The following PTPRM variants were observed in gnomAD, a reference collection of about 807,000 sequenced individuals.
PTPRM encodes the protein protein tyrosine phosphatase receptor type M.
A neutral mutation model predicts 186.7 loss-of-function variants in PTPRM; 47 were observed. That is an observed-to-expected ratio of 0.25 (90% CI 0.20 to 0.32). PTPRM has a LOEUF of 0.32. Ranked by LOEUF, PTPRM falls within the 10% of genes least tolerant of loss-of-function variation. The pLI is 1.00. For synonymous variants in PTPRM, 668 were observed against 674.9 expected (o/e 0.99, Z 0.16); for missense variants, 1,494 against 1,865.0 (o/e 0.80, Z 3.66).
intron 2 of PTPRM, among the ~76,000 whole-genome samples, chr18:7,807,871 G>A (rs575211598): frequency 1.2e-3 from 187 of 152,296 alleles, no homozygotes; most frequent in African/African-American, 4.3e-3. Context: ...TAATGTTACC[G>A]TTGGTTAAAT....
At chr18:8,150,994 C>T (rs2092993331) in intron 14 of PTPRM, among the ~76,000 whole-genome samples, 1 of 152,180 alleles carries the variant, frequency 6.6e-6, no homozygotes, top group South Asian at 2.1e-4. Context: ...CTGTTCCTTC[C>T]TCTGGAAGCT....
intron 1 of PTPRM, among the ~76,000 whole-genome samples, chr18:7,766,420 C>G (rs775658911): frequency 6.6e-6 from 1 of 152,190 alleles, no homozygotes; most frequent in Non-Finnish European, 1.5e-5. Context: ...GGGGCAGAGA[C>G]AGAGCTCCAG....
intron 19 of PTPRM, among the ~76,000 whole-genome samples, chr18:8,291,604 A>C (rs2095043839): frequency 6.6e-6 from 1 of 152,188 alleles, no homozygotes; most frequent in Non-Finnish European, 1.5e-5. Context: ...TGACCTCTTA[A>C]AGATAAAAAA....
chr18:8,069,181 G>T (rs1477745796), intron 7 of PTPRM, among the ~76,000 whole-genome samples: 2 of 149,164 alleles, frequency 1.3e-5, no homozygotes, highest in Non-Finnish European at 3.0e-5. Flanking sequence ...AGAGGCTTAA[G>T]TAAGATAGCA....
intron 3 of PTPRM, among the ~76,000 whole-genome samples, chr18:7,894,957 A>G (rs1414446514): frequency 2.6e-5 from 4 of 152,352 alleles, no homozygotes; most frequent in South Asian, 2.1e-4. Context: ...TTATTTCTAT[A>G]AGCAAATTTC....
At chr18:8,212,822 G>A (rs1226337731) in intron 14 of PTPRM, among the ~76,000 whole-genome samples, 3 of 152,128 alleles carry the variant, frequency 2.0e-5, no homozygotes, top group African/African-American at 4.8e-5. Flanking sequence ...TTTAACTAAT[G>A]TGTACATTGT....
chr18:8,335,836 A>G (rs1003895383), intron 22 of PTPRM, among the ~76,000 whole-genome samples: 2 of 152,130 alleles, frequency 1.3e-5, no homozygotes, highest in Admixed American at 6.5e-5. Context: ...AGCCTGGCCA[A>G]CACAGCAAAA....
rs952977194 is a variant in PTPRM, at chr18:8,260,794, G to A, written c.2754+7380G>A. ...ATGGGAAAGGCCTTGAACTGGGGAG[G>A]ACAGCCCCTGGAATTTTGAGACCAG... On this transcript the variant is annotated intron_variant, in intron 19 of 32. Transcript: ENST00000580170. 7.9e-5 allele frequency among the ~76,000 whole-genome samples: 12 copies of A among 152,308 alleles called. 1 individual carries two copies. Among genetic ancestry groups the A allele is most frequent in the Admixed American group, 5.2e-4 (8 of 15,300 alleles).
intron 7 of PTPRM, among the ~76,000 whole-genome samples, chr18:7,976,959 A>G (rs2054991497): frequency 6.6e-6 from 1 of 151,974 alleles, no homozygotes; most frequent in Non-Finnish European, 1.5e-5. Context: ...ACAATAAAAA[A>G]GGTTGATTGT....
chr18:7,725,034 T>C (rs1421752743), intron 1 of PTPRM, among the ~76,000 whole-genome samples: 1 of 152,176 alleles, frequency 6.6e-6, no homozygotes, highest in South Asian at 2.1e-4. Context: ...CTTATTCAAC[T>C]TTCTCCTGAA....
intron 2 of PTPRM, among the ~76,000 whole-genome samples, chr18:7,880,077 C>T (rs2048428873): frequency 6.6e-6 from 1 of 151,194 alleles, no homozygotes; most frequent in South Asian, 2.1e-4. Context: ...CATGAGAACT[C>T]ACTCACTATC....
chr18:7,916,149 T>G (rs2050543562), intron 4 of PTPRM, among the ~76,000 whole-genome samples: 1 of 152,148 alleles, frequency 6.6e-6, no homozygotes, highest in South Asian at 2.1e-4. Context: ...TGGTGAATAA[T>G]GTACACAATT....
Position 8,315,298 on chromosome 18 carries a change from G to A in PTPRM, c.2919+441G>A, listed in dbSNP as rs183379006. ...GACAAAACTCTCTAATTCCTAATAC[G>A]GCGATTTGCAATCCCTTGTCATCAC... On this transcript the variant is annotated intron_variant, in intron 21 of 32. Coordinates refer to ENST00000580170, the MANE Select transcript of PTPRM (RefSeq NM_001105244.2). 3.9e-5 allele frequency among the ~76,000 whole-genome samples: 6 copies of A among 152,092 alleles called. No homozygotes were observed. The East Asian group carries it at 1.2e-3, about 29-fold the overall frequency.
chr18:8,084,583 G>A (rs1364449031), intron 9 of PTPRM, among the ~76,000 whole-genome samples: 1 of 152,112 alleles, frequency 6.6e-6, no homozygotes, highest in Non-Finnish European at 1.5e-5. Context: ...TAATGACATG[G>A]TATAAATATA....
chr18:7,640,438 A>C (rs2144170648), intron 1 of PTPRM, among the ~76,000 whole-genome samples: 1 of 152,316 alleles, frequency 6.6e-6, no homozygotes, highest in East Asian at 1.9e-4. Flanking sequence ...ATTGTGTATT[A>C]GGATGCTTTT....
At chr18:8,341,524 C>A (rs1004475547) in intron 22 of PTPRM, among the ~76,000 whole-genome samples, 1 of 152,182 alleles carries the variant, frequency 6.6e-6, no homozygotes, top group Non-Finnish European at 1.5e-5. Flanking sequence ...TATGAGAAGA[C>A]CCCTGTTGGG....
chr18:8,113,253 C>G (rs1457269910), intron 11 of PTPRM, among the ~76,000 whole-genome samples: 1 of 152,172 alleles, frequency 6.6e-6, no homozygotes, highest in African/African-American at 2.4e-5. Context: ...TTTTGTTTCT[C>G]TCACTAAATA....
At chr18:7,943,063 G>A (rs1446358536) in intron 5 of PTPRM, among the ~76,000 whole-genome samples, 2 of 151,898 alleles carry the variant, frequency 1.3e-5, no homozygotes, top group African/African-American at 2.4e-5. Context: ...ATCTTTCTGC[G>A]TGTTGGGTCA....
intron 1 of PTPRM, among the ~76,000 whole-genome samples, chr18:7,772,296 C>G (rs1175781996): frequency 9.0e-6 from 1 of 111,046 alleles, no homozygotes; most frequent in African/African-American, 4.3e-5. Flanking sequence ...TTCTCTCCTT[C>G]CTTCCTCTCT....
Sources: allele counts gnomAD v4.1 joint callset (sites outside exome capture counted in the v4.1 genomes callset), GRCh38; gene constraint gnomAD v4.1.1; transcripts MANE v1.5; gene names NCBI Gene and HGNC (gene_info 2026-07-23, HGNC 2026-07-21).